USP42: variants seen among roughly 807,000 people sequenced by gnomAD.
The protein encoded by USP42 is ubiquitin specific peptidase 42.
Under a neutral mutation model 113.0 loss-of-function variants are expected in USP42, and 23 were observed. The ratio of observed to expected loss-of-function variants is 0.20; its 90% CI spans 0.15 to 0.29. USP42 has a LOEUF of 0.29. Among genes scored for constraint, USP42 ranks in the 10% least tolerant of loss-of-function variants. The probability of loss-of-function intolerance (pLI) is 1.00; values close to 1 mark genes in which losing one functional copy is unlikely to be tolerated. For synonymous variants in USP42, 933 were observed against 699.0 expected, an observed-to-expected ratio of 1.33 and a Z score of -5.28; for missense variants, 2,174 against 1,779.8, an observed-to-expected ratio of 1.22 and a Z score of -3.99.
At position 6,153,879 on chromosome 7, in the gene USP42, T is replaced by TCCG. The variant is rs753109615; in HGVS notation, c.2331_2333dup (p.Pro778dup). ...CCGGCCTCAGCAGCACCAAGAAGGC[T>TCCG]CCGCCGCCCCGCGATCCCGGCACCC... On this transcript the variant is annotated inframe_insertion, in exon 15 of 18. Transcript: ENST00000306177. 3.3e-5 allele frequency: 52 copies of TCCG among 1,564,048 alleles called. No homozygotes were observed. In the African/African-American group the frequency reaches 6.2e-4, roughly 19 times the overall value.
chr7:6,107,213 G>T (rs990641022), intron 1 of USP42, among the ~76,000 whole-genome samples: 5 of 152,064 alleles, frequency 3.3e-5, no homozygotes, highest in Admixed American at 2.6e-4. Context: ...TCACTTAAGA[G>T]GCTTTTGTCC....
At chr7:6,087,400 G>C in the USP42 span, among the ~76,000 whole-genome samples, 1 of 135,818 alleles carries the variant, frequency 7.4e-6, no homozygotes, top group Non-Finnish European at 1.5e-5. Context: ...ACTGGAGTGT[G>C]ATCATAGCTC....
chr7:6,133,543 C>A (rs1482179918), intron 3 of USP42, among the ~76,000 whole-genome samples: 1 of 152,136 alleles, frequency 6.6e-6, no homozygotes, highest in East Asian at 1.9e-4. Context: ...GAGACAGGAT[C>A]TTACTCTGTC....
At position 6,159,882 on chromosome 7, in the gene USP42, T is replaced by G. The variant is rs1261193902; in HGVS notation, c.*36+389T>G. Among the ~76,000 whole-genome samples, 1 of 152,174 alleles carries G rather than the reference T, an allele frequency of 6.6e-6. No homozygotes were observed. The highest frequency in any genetic ancestry group is 1.5e-5 in the Non-Finnish European group (1 of 68,032). Reference sequence around the variant, plus strand: ...CACCTCACTCAGGAGAGCGGAGCCTTGCTCCCTCGTCCGTCCCGTCCCCTG... The same window carrying G: ...CACCTCACTCAGGAGAGCGGAGCCTGGCTCCCTCGTCCGTCCCGTCCCCTG... On this transcript the variant is annotated intron_variant, in intron 17 of 17. Coordinates refer to ENST00000306177, the MANE Select transcript of USP42 (RefSeq NM_032172.3). The surrounding 1 kb of genome is among the most constrained non-coding windows in gnomAD (Gnocchi z 4.1).
the USP42 span, among the ~76,000 whole-genome samples, chr7:6,097,907 C>CTTTTTTTTTT: frequency 9.7e-6 from 1 of 103,616 alleles, no homozygotes; most frequent in African/African-American, 3.8e-5. Flanking sequence ...TCTTTCTTTT[C>CTTTTTTTTTT]TTTTTTTTTT....
chr7:6,084,058 G>C, the USP42 span, among the ~76,000 whole-genome samples: 1 of 151,174 alleles, frequency 6.6e-6, no homozygotes, highest in Non-Finnish European at 1.5e-5. Flanking sequence ...ACAGAGTCTC[G>C]CTCTGTCACC....
Position 6,154,123 on chromosome 7 carries a change from C to A in USP42, c.2569C>A (p.Pro857Thr), listed in dbSNP as rs747197429. 2.5e-6 allele frequency: 4 copies of A among 1,600,034 alleles called. No individual in the cohort carries two copies. Among genetic ancestry groups the A allele is most frequent in the East Asian group, 2.2e-5 (1 of 44,696 alleles). ...GGCGGAAGCCCCGGAAGGGTTGAGT[C>A]CGGCTCCGCCTGCGCGGTCGGAGGA... is the stretch of plus-strand genomic sequence containing the variant. ...ALAEAPEGLS[P>T]APPARSEEPC... Residue 857 changes from proline to threonine, a missense_variant, in exon 15 of 18, where the codon CCG becomes ACG. Transcript: ENST00000306177.
chr7:6,123,321 T>G (rs1780339297), intron 3 of USP42, among the ~76,000 whole-genome samples: 1 of 151,992 alleles, frequency 6.6e-6, no homozygotes, highest in Non-Finnish European at 1.5e-5. Flanking sequence ...CTAGGAGTTC[T>G]AGACCAGCCT....
chr7:6,113,409 C>G (rs553953032), intron 2 of USP42, among the ~76,000 whole-genome samples: 1 of 152,104 alleles, frequency 6.6e-6, no homozygotes, highest in South Asian at 2.1e-4. Flanking sequence ...GGGCTTCTCT[C>G]TCTTCTTAGG....
chr7:6,156,485 T>A (rs376047424), intron 15 of USP42, among the ~76,000 whole-genome samples: 14 of 152,238 alleles, frequency 9.2e-5, no homozygotes, highest in African/African-American at 3.1e-4. Context: ...GGTCTTGCTC[T>A]GTTGCCCAGG....
intron 3 of USP42, among the ~76,000 whole-genome samples, chr7:6,121,530 C>G (rs1018325501): frequency 6.6e-6 from 1 of 151,388 alleles, no homozygotes; most frequent in African/African-American, 2.4e-5. Flanking sequence ...GATATGTTTT[C>G]TTCGCATCTG....
At chr7:6,084,887 G>GT in the USP42 span, among the ~76,000 whole-genome samples, 6 of 149,556 alleles carry the variant, frequency 4.0e-5, no homozygotes, top group African/African-American at 1.5e-4. Flanking sequence ...CCTGGCTAAT[G>GT]TTTACATTTT....
At chr7:6,105,912 G>C (rs1035989551) in intron 1 of USP42, among the ~76,000 whole-genome samples, 1 of 152,152 alleles carries the variant, frequency 6.6e-6, no homozygotes, top group African/African-American at 2.4e-5. Flanking sequence ...AAAACATGTT[G>C]GTTATGTAAA....
rs554422535 is a variant in USP42 at position 6,157,384 on chromosome 7, A to G, written c.3943+329A>G. The G allele has an allele frequency of 9.6e-5, 95 of 994,162 alleles. No individual in the cohort carries two copies. The highest frequency in any genetic ancestry group is 2.9e-5 in the Non-Finnish European group (24 of 834,654). The allele number at this position is 994,162 out of a possible 1,614,324, so 61.6% of individuals were successfully genotyped here. On this transcript the variant is annotated intron_variant, in intron 16 of 17. Coordinates refer to ENST00000306177, the MANE Select transcript of USP42 (RefSeq NM_032172.3). The surrounding 1 kb of genome is among the most constrained non-coding windows in gnomAD (Gnocchi z 4.1). ...AGAACTCTTGGTTTGGTTTGGTTTT[A>G]TTTTATTTTATTTTATTTATTTTAT...
intron 3 of USP42, among the ~76,000 whole-genome samples, chr7:6,120,213 C>T (rs1479231087): frequency 6.6e-6 from 1 of 152,068 alleles, no homozygotes; most frequent in Non-Finnish European, 1.5e-5. Flanking sequence ...ATCTGCCTGC[C>T]TCGGCCTCTC....
intron 14 of USP42, among the ~76,000 whole-genome samples, chr7:6,152,639 CA>C (rs1321027084): frequency 6.6e-6 from 1 of 152,194 alleles, no homozygotes; most frequent in Admixed American, 6.5e-5. Flanking sequence ...CTCCCTCGGC[CA>C]GGGGACTCTG....
chr7:6,132,224 C>T (rs530312234), intron 3 of USP42, among the ~76,000 whole-genome samples: 86 of 152,238 alleles, frequency 5.6e-4, no homozygotes, highest in African/African-American at 1.7e-3. Flanking sequence ...ACACCTGGCC[C>T]GTTCTTTTTC....
chr7:6,088,350 G>C, the USP42 span, among the ~76,000 whole-genome samples: 9 of 151,014 alleles, frequency 6.0e-5, no homozygotes, highest in South Asian at 1.9e-3. Flanking sequence ...CTGCCTCCCA[G>C]GTTCAAGAGA....
At chr7:6,109,024 A>G (rs768458637) in intron 1 of USP42, among the ~76,000 whole-genome samples, 2 of 152,246 alleles carry the variant, frequency 1.3e-5, no homozygotes, top group Non-Finnish European at 1.5e-5. Context: ...TGTGGAGTAG[A>G]TGCCAGCACA....
Sources: gnomAD v4.1 joint callset for allele counts (sites outside exome capture counted in the v4.1 genomes callset) on GRCh38, gnomAD v4.1.1 for gene constraint, Gnocchi (gnomAD v3.1) non-coding constraint, MANE v1.5 for transcripts, NCBI Gene and HGNC (gene_info 2026-07-23, HGNC 2026-07-21) for gene names.